The following KIF25 variants were observed in gnomAD, a reference collection of about 807,000 sequenced individuals.
KIF25 encodes the protein kinesin-like protein KIF25.
KIF25 carries 19 observed loss-of-function variants against 32.9 expected under a neutral mutation model. The ratio of observed to expected loss-of-function variants is 0.58; its 90% CI spans 0.40 to 0.85. KIF25 has a LOEUF of 0.85. Ranked by LOEUF, KIF25 falls within the 40% of genes least tolerant of loss-of-function variation. The probability of loss-of-function intolerance (pLI) is 0.00; values close to 1 mark genes in which losing one functional copy is unlikely to be tolerated. For synonymous variants in KIF25, 225 were observed against 213.7 expected (o/e 1.05, Z -0.46); for missense variants, 485 against 507.0 (o/e 0.96, Z 0.42).
intron 5 of KIF25, among the ~76,000 whole-genome samples, chr6:168,024,564 G>T (rs1010514414): frequency 6.6e-5 from 10 of 151,742 alleles, no homozygotes; most frequent in African/African-American, 2.4e-4. Flanking sequence ...GGGATGGGAG[G>T]CTTGGGAGAT....
intron 5 of KIF25, among the ~76,000 whole-genome samples, chr6:168,025,033 A>G (rs1021050028): frequency 1.2e-4 from 18 of 152,208 alleles, no homozygotes; most frequent in Non-Finnish European, 7.3e-5. Flanking sequence ...TCTGGACGAC[A>G]GAGTGAGATT....
intron 5 of KIF25, among the ~76,000 whole-genome samples, chr6:168,021,815 A>G (rs1252522493): frequency 6.6e-6 from 1 of 152,204 alleles, no homozygotes; most frequent in African/African-American, 2.4e-5. Flanking sequence ...GCCATTCTGG[A>G]AATTACAGAT....
intron 2 of KIF25, among the ~76,000 whole-genome samples, chr6:168,000,522 T>C (rs1235156016): frequency 4.5e-5 from 2 of 44,162 alleles, no homozygotes; most frequent in African/African-American, 8.9e-5. Context: ...CCATCCTGTC[T>C]ATACCTGCCC....
At chr6:168,025,707 G>A (rs1798850925) in intron 5 of KIF25, among the ~76,000 whole-genome samples, 2 of 152,250 alleles carry the variant, frequency 1.3e-5, no homozygotes, top group African/African-American at 4.8e-5. Context: ...TTCGGTTAAA[G>A]TGCTGAAGGA....
At position 168,044,942 on chromosome 6, in the gene KIF25, T is replaced by C. The variant is rs1313457682; in HGVS notation, c.1101T>C (p.Pro367=). 1 of 1,611,400 alleles carries C rather than the reference T, an allele frequency of 6.2e-7. No individual in the cohort carries two copies. Among genetic ancestry groups the C allele is most frequent in the Non-Finnish European group, 8.5e-7 (1 of 1,177,880 alleles). ...GIRARQVQRG[P]ARKKPPSSQT... is the part of the protein sequence containing the mutation. ...GAGCTCGGCAAGTCCAGCGAGGCCC[T>C]GCCCGAAAGAAGCCGCCCAGCTCCC... Residue 367 remains proline, a synonymous_variant, in exon 13 of 13, where the codon CCT becomes CCC. Transcript: ENST00000643607.
chr6:168,001,032 A>G (rs971033822), intron 2 of KIF25, among the ~76,000 whole-genome samples: 4 of 152,238 alleles, frequency 2.6e-5, no homozygotes, highest in Non-Finnish European at 5.9e-5. Flanking sequence ...CAAAGTGTTT[A>G]GACATGATTG....
chr6:168,018,547 A>G (rs965412567), intron 5 of KIF25, among the ~76,000 whole-genome samples: 2 of 152,182 alleles, frequency 1.3e-5, no homozygotes, highest in Non-Finnish European at 2.9e-5. Flanking sequence ...GTAAATAGAC[A>G]TTTTTTATAT....
At chr6:168,023,984 T>A (rs1186811205) in intron 5 of KIF25, among the ~76,000 whole-genome samples, 1 of 151,702 alleles carries the variant, frequency 6.6e-6, no homozygotes, top group Admixed American at 6.6e-5. Flanking sequence ...TTGATTTTTT[T>A]CCCCTAAAAT....
intron 4 of KIF25, among the ~76,000 whole-genome samples, chr6:168,015,191 T>C (rs1798697941): frequency 1.3e-5 from 2 of 152,198 alleles, no homozygotes; most frequent in Admixed American, 6.5e-5. Flanking sequence ...ACGGAGCTTG[T>C]AGATGTGCAG....
chr6:168,013,070 T>G (rs527359762), intron 4 of KIF25, among the ~76,000 whole-genome samples: 24 of 152,008 alleles, frequency 1.6e-4, no homozygotes, highest in African/African-American at 5.5e-4. Flanking sequence ...ACGGGGCTGT[T>G]TCTCAGGTGC....
At chr6:168,042,856 C>G (rs1044680328) in intron 12 of KIF25, 140 bp downstream of exon 12, 16 of 986,216 alleles carry the variant, frequency 1.6e-5, no homozygotes, top group Non-Finnish European at 2.4e-5. Context: ...CTAGCTGGCA[C>G]TCCCACGGCA....
intron 5 of KIF25, among the ~76,000 whole-genome samples, chr6:168,020,601 G>T (rs547622438): frequency 6.6e-6 from 1 of 152,310 alleles, no homozygotes; most frequent in Admixed American, 6.5e-5. Flanking sequence ...GGGCGTGCAA[G>T]TGTACTTTCG....
chr6:167,999,550 C>T (rs1189939883), intron 2 of KIF25, among the ~76,000 whole-genome samples: 1 of 152,216 alleles, frequency 6.6e-6, no homozygotes, highest in African/African-American at 2.4e-5. Context: ...GCAGGCCTCT[C>T]GTGCGTGGTA....
At chr6:168,015,797 G>A (rs1798704581) in intron 4 of KIF25, among the ~76,000 whole-genome samples, 1 of 152,126 alleles carries the variant, frequency 6.6e-6, no homozygotes, top group Admixed American at 6.5e-5. Context: ...GTTTAAAATC[G>A]AACGATCTCA....
chr6:168,038,624 T>G lies in KIF25; in HGVS notation c.389T>G (p.Ile130Ser). The change falls in exon 9 of 13, where the codon ATT becomes AGT. Residue 130 changes from isoleucine to serine, a missense_variant. Around this residue, in one of 2 missense-constraint regions of KIF25, gnomAD observed 480 missense variants for 470.3 expected, o/e 1.02. Coordinates refer to ENST00000643607, the MANE Select transcript of KIF25 (RefSeq NM_030615.4). ...ATAGTGGAAGTTTACAATAATGACA[T>G]TTTTGACCTTCTGGCCAAAGACAGC... ...VSIVEVYNNDIFDLLAKDSIA... is the reference protein window; with the variant it reads ...VSIVEVYNNDSFDLLAKDSIA... 1 of 1,614,148 alleles carries G rather than the reference T, an allele frequency of 6.2e-7. No homozygotes were observed. Among genetic ancestry groups the G allele is most frequent in the Non-Finnish European group, 8.5e-7 (1 of 1,180,000 alleles).
chr6:168,012,075 T>C (rs1341413815), intron 4 of KIF25, among the ~76,000 whole-genome samples: 2 of 152,238 alleles, frequency 1.3e-5, no homozygotes, highest in Non-Finnish European at 2.9e-5. Flanking sequence ...TATTTTTCAT[T>C]CAAATTATGA....
chr6:168,018,842 C>G (rs1276043668), intron 5 of KIF25, among the ~76,000 whole-genome samples: 2 of 152,212 alleles, frequency 1.3e-5, no homozygotes, highest in Non-Finnish European at 2.9e-5. Flanking sequence ...CTGTGTCGCT[C>G]GATAGGGTCA....
chr6:168,005,487 G>A (rs570679067), intron 4 of KIF25, among the ~76,000 whole-genome samples: 2 of 152,334 alleles, frequency 1.3e-5, no homozygotes, highest in African/African-American at 4.8e-5. Context: ...TGTCTGTGCA[G>A]AGCTGCTCAG....
At chr6:168,040,532 T>C (rs1220480398) in intron 10 of KIF25, among the ~76,000 whole-genome samples, 1 of 151,560 alleles carries the variant, frequency 6.6e-6, no homozygotes. Flanking sequence ...TGCCATTGCA[T>C]TCCAACCTGT....
Sources: allele counts gnomAD v4.1 joint callset (sites outside exome capture counted in the v4.1 genomes callset), GRCh38; gene constraint gnomAD v4.1.1; regional missense constraint gnomAD v4.1.1; transcripts MANE v1.5; gene names NCBI Gene and HGNC (gene_info 2026-07-23, HGNC 2026-07-21).